Variants in TMCC3 observed in about 807,000 individuals in gnomAD.
TMCC3 encodes transmembrane and coiled-coil domain protein 3.
In TMCC3, 28 loss-of-function variants were observed where a neutral mutation model predicts 40.2. The ratio of observed to expected loss-of-function variants is 0.70; its 90% CI spans 0.52 to 0.95. TMCC3 has a LOEUF of 0.95. Among genes scored for constraint, TMCC3 ranks in the 40% least tolerant of loss-of-function variants. The pLI, the probability that TMCC3 is intolerant of heterozygous loss-of-function variation, is 0.00. For synonymous variants in TMCC3, 255 were observed against 248.5 expected (o/e 1.03, Z -0.25); for missense variants, 554 against 615.2 (o/e 0.90, Z 1.05).
rs549249535 is a variant in TMCC3 at position 94,650,393 on chromosome 12, G to A, written c.38C>T (p.Thr13Ile). ...GTGGTGCCGGCCGGGGTACGAGTAG[G>A]TCCGGTCCACGGTGAGCGCCGTGTC... ...GSDTALTVDR[T>I]YSYPGRHHRC... Residue 13 changes from threonine (T) to isoleucine (I), a missense_variant, in exon 1 of 4, where the codon ACC becomes ATC. Coordinates refer to ENST00000261226, the MANE Select transcript of TMCC3 (RefSeq NM_020698.4). The A allele has an allele frequency of 7.4e-7, 1 of 1,343,004 alleles. No homozygotes were observed. The highest frequency in any genetic ancestry group is 9.6e-7 in the Non-Finnish European group (1 of 1,039,614). 83.2% of individuals were successfully genotyped at this position (1,343,004 alleles called of 1,614,324 possible).
At chr12:94,648,823 A>G (rs997433686) in intron 1 of TMCC3, among the ~76,000 whole-genome samples, 5 of 152,232 alleles carry the variant, frequency 3.3e-5, no homozygotes, top group Non-Finnish European at 7.3e-5. Flanking sequence ...CACAAAGAAG[A>G]TCACAGTTGT....
chr12:94,610,958 G>C (rs1365140736), intron 1 of TMCC3, among the ~76,000 whole-genome samples: 1 of 152,010 alleles, frequency 6.6e-6, no homozygotes, highest in Non-Finnish European at 1.5e-5. Flanking sequence ...TTTTGAGAGA[G>C]TAATTCATCT....
chr12:94,645,106 C>A (rs1489825976), intron 1 of TMCC3, among the ~76,000 whole-genome samples: 1 of 152,170 alleles, frequency 6.6e-6, no homozygotes, highest in Non-Finnish European at 1.5e-5. Flanking sequence ...GTTTCATTTA[C>A]CATTGTATTC....
chr12:94,606,179 A>G (rs1373617210), intron 1 of TMCC3, among the ~76,000 whole-genome samples: 1 of 152,168 alleles, frequency 6.6e-6, no homozygotes, highest in Non-Finnish European at 1.5e-5. Flanking sequence ...CAAGACTGTG[A>G]GAACTCTCAC....
chr12:94,621,286 A>G (rs925408212), intron 1 of TMCC3, among the ~76,000 whole-genome samples: 2 of 152,232 alleles, frequency 1.3e-5, no homozygotes, highest in Non-Finnish European at 1.5e-5. Flanking sequence ...AGGCTCTCTC[A>G]GTTGACACAG....
intron 1 of TMCC3, among the ~76,000 whole-genome samples, chr12:94,619,787 C>T (rs571489125): frequency 1.3e-5 from 2 of 152,244 alleles, no homozygotes; most frequent in South Asian, 2.1e-4. Flanking sequence ...GAACTTAAAT[C>T]GCATATCAAT....
intron 1 of TMCC3, among the ~76,000 whole-genome samples, chr12:94,606,758 G>A (rs544822862): frequency 6.6e-6 from 1 of 152,266 alleles, no homozygotes; most frequent in African/African-American, 2.4e-5. Context: ...TAAAAGGGGA[G>A]GGGGTGTACG....
intron 1 of TMCC3, among the ~76,000 whole-genome samples, chr12:94,636,722 C>T (rs1002160524): frequency 6.6e-6 from 1 of 152,154 alleles, no homozygotes; most frequent in Non-Finnish European, 1.5e-5. Context: ...GTTCATTGGC[C>T]CTGAAGAAAC....
intron 3 of TMCC3, among the ~76,000 whole-genome samples, chr12:94,573,155 C>T (rs937637309): frequency 2.0e-5 from 3 of 152,154 alleles, no homozygotes; most frequent in African/African-American, 4.8e-5. Context: ...TCTCAGAGTA[C>T]AGCACCATGA....
At chr12:94,603,796 C>CA (rs1189665979) in intron 1 of TMCC3, among the ~76,000 whole-genome samples, 1 of 151,770 alleles carries the variant, frequency 6.6e-6, no homozygotes, top group Non-Finnish European at 1.5e-5. Context: ...TAATAAGATG[C>CA]AAAAAAACTT....
intron 1 of TMCC3, among the ~76,000 whole-genome samples, chr12:94,584,320 T>C (rs2068624942): frequency 6.6e-6 from 1 of 152,170 alleles, no homozygotes; most frequent in East Asian, 1.9e-4. Context: ...CCGTGGGAAG[T>C]GCCTGCTCCC....
chr12:94,628,865 C>A (rs1566333917), intron 1 of TMCC3, among the ~76,000 whole-genome samples: 1 of 152,202 alleles, frequency 6.6e-6, no homozygotes, highest in Non-Finnish European at 1.5e-5. Flanking sequence ...AAAATCACTG[C>A]AAGATTGCTT....
At chr12:94,586,885 G>T (rs150765032) in intron 1 of TMCC3, among the ~76,000 whole-genome samples, 4 of 152,360 alleles carry the variant, frequency 2.6e-5, no homozygotes, top group South Asian at 4.1e-4. Context: ...CAAATCAATC[G>T]ATCTTACTGC....
chr12:94,596,329 A>G (rs2068715056), intron 1 of TMCC3, among the ~76,000 whole-genome samples: 1 of 152,228 alleles, frequency 6.6e-6, no homozygotes, highest in Non-Finnish European at 1.5e-5. Flanking sequence ...CAGGATTTGT[A>G]CTAATGTCTA....
intron 1 of TMCC3, among the ~76,000 whole-genome samples, chr12:94,597,160 T>A (rs1479749013): frequency 1.5e-5 from 1 of 66,714 alleles, no homozygotes; most frequent in African/African-American, 6.4e-5. Flanking sequence ...TATATATATG[T>A]ATATAAATTA....
chr12:94,572,869 C>G lies in TMCC3; in HGVS notation c.1132-1132G>C, dbSNP rs141445785. On this transcript the variant is annotated intron_variant, in intron 3 of 3. Transcript: ENST00000261226. ...GACTGTGGGGCAACTGTGCTTTCAC[C>G]TGCTCTCTGAACGCGGTGTTACTCA... Among the ~76,000 whole-genome samples, 959 of 152,104 alleles carry G rather than the reference C, an allele frequency of 6.3e-3. 18 individuals are homozygous for G. Among genetic ancestry groups the G allele is most frequent in the Middle Eastern group, 6.8e-3 (2 of 294 alleles).
intron 1 of TMCC3, among the ~76,000 whole-genome samples, chr12:94,643,774 ACTGGGCTGCT>A (rs1297064755): frequency 6.6e-6 from 1 of 152,216 alleles, no homozygotes; most frequent in East Asian, 1.9e-4. Context: ...GTTTAGAAAG[ACTGGGCTGCT>A]CTCCAGTGTT....
chr12:94,595,392 C>A (rs953753377), intron 1 of TMCC3, among the ~76,000 whole-genome samples: 1 of 152,180 alleles, frequency 6.6e-6, no homozygotes, highest in Non-Finnish European at 1.5e-5. Context: ...ATTCCTAGAG[C>A]ATCCAGAGAA....
chr12:94,577,008 T>G (rs1353423542), intron 3 of TMCC3, among the ~76,000 whole-genome samples: 1 of 152,130 alleles, frequency 6.6e-6, no homozygotes, highest in African/African-American at 2.4e-5. Context: ...ACTTAACCTC[T>G]CTGTGCCTCG....
Sources: gnomAD v4.1 joint callset for allele counts (sites outside exome capture counted in the v4.1 genomes callset) on GRCh38, gnomAD v4.1.1 for gene constraint, MANE v1.5 for transcripts, NCBI Gene and HGNC (gene_info 2026-07-23, HGNC 2026-07-21) for gene names.